The following PSD3 variants were observed in gnomAD, a reference collection of about 807,000 sequenced individuals.
The protein encoded by PSD3 is pleckstrin and Sec7 domain containing 3, also known as PH and SEC7 domain-containing protein 3.
A neutral mutation model predicts 105.5 loss-of-function variants in PSD3; 49 were observed. The ratio of observed to expected loss-of-function variants is 0.46; its 90% confidence interval spans 0.37 to 0.59. The LOEUF (loss-of-function observed/expected upper bound fraction) is 0.59, where lower values mean the gene tolerates loss of function less well. Among genes scored for constraint, PSD3 ranks in the 20% least tolerant of loss-of-function variants. PSD3 has a pLI of 0.00. For missense variants in PSD3, 1,561 were observed against 1,263.8 expected (o/e 1.24, Z -3.57); for synonymous variants, 557 against 457.8 (o/e 1.22, Z -2.77).
intron 9 of PSD3, among the ~76,000 whole-genome samples, chr8:18,727,411 A>G (rs1362975161): frequency 2.0e-5 from 3 of 150,330 alleles, no homozygotes; most frequent in African/African-American, 7.3e-5. Context: ...TGGGAAGCTG[A>G]GGCAGGGAGA....
chr8:18,698,159 T>C (rs541533323), intron 9 of PSD3, among the ~76,000 whole-genome samples: 11 of 152,286 alleles, frequency 7.2e-5, no homozygotes, highest in African/African-American at 2.4e-4. Context: ...AGTGCAGTGG[T>C]GCGATCATAG....
At chr8:18,811,549 G>C (rs1024073678) in intron 4 of PSD3, among the ~76,000 whole-genome samples, 1 of 152,172 alleles carries the variant, frequency 6.6e-6, no homozygotes, top group Non-Finnish European at 1.5e-5. Context: ...AAAGATAGAA[G>C]AGGAACCCTA....
At chr8:19,032,877 T>C (rs1827817214) in intron 1 of PSD3, among the ~76,000 whole-genome samples, 1 of 152,264 alleles carries the variant, frequency 6.6e-6, no homozygotes, top group South Asian at 2.1e-4. Context: ...CTTCTGAAAG[T>C]ATTAAGAAGG....
intron 14 of PSD3, among the ~76,000 whole-genome samples, chr8:18,560,175 T>TACACACACACAC (rs5889808): frequency 0.016 from 2,268 of 143,378 alleles, 28 homozygotes; most frequent in African/African-American, 0.037. Context: ...ATACACATTT[T>TACACACACACAC]ACACACACAC....
intron 1 of PSD3, among the ~76,000 whole-genome samples, chr8:18,974,443 C>T (rs1824818590): frequency 6.6e-6 from 1 of 152,142 alleles, no homozygotes; most frequent in East Asian, 1.9e-4. Flanking sequence ...AGAATGCAGA[C>T]ACTGCCTTTA....
chr8:18,613,236 C>G (rs35318164), intron 11 of PSD3, among the ~76,000 whole-genome samples: 5 of 151,920 alleles, frequency 3.3e-5, no homozygotes, highest in African/African-American at 9.7e-5. Context: ...ACCAGACTGC[C>G]GGTCCGGATG....
intron 1 of PSD3, among the ~76,000 whole-genome samples, chr8:19,033,967 A>G (rs1827858878): frequency 6.6e-6 from 1 of 152,218 alleles, no homozygotes; most frequent in African/African-American, 2.4e-5. Flanking sequence ...CAAGGTAAAG[A>G]TAAATAAATA....
At chr8:18,711,357 A>G (rs1417044201) in intron 9 of PSD3, among the ~76,000 whole-genome samples, 3 of 152,206 alleles carry the variant, frequency 2.0e-5, no homozygotes, top group Admixed American at 2.0e-4. Flanking sequence ...CTGGAGAAAG[A>G]GTCAAAACCC....
At chr8:18,854,207 T>C (rs1387023680) in intron 4 of PSD3, 2 of 152,746 alleles carry the variant, frequency 1.3e-5, no homozygotes, top group Non-Finnish European at 2.9e-5. Flanking sequence ...TTAATGTACT[T>C]CTAAAGCTGC....
chr8:18,976,565 A>T (rs1824952204), intron 1 of PSD3, among the ~76,000 whole-genome samples: 1 of 152,244 alleles, frequency 6.6e-6, no homozygotes, highest in Admixed American at 6.5e-5. Context: ...TTCACTTACT[A>T]CATGACACAA....
At chr8:19,053,050 T>G (rs1208344448) in intron 1 of PSD3, among the ~76,000 whole-genome samples, 1 of 152,080 alleles carries the variant, frequency 6.6e-6, no homozygotes, top group East Asian at 1.9e-4. Context: ...TTAGGGAAAT[T>G]CCCTAGGAGG....
chr8:18,750,320 T>G (rs569649256), intron 9 of PSD3, among the ~76,000 whole-genome samples: 1 of 152,090 alleles, frequency 6.6e-6, no homozygotes, highest in African/African-American at 2.4e-5. Flanking sequence ...GTTTCTTCCT[T>G]CTGGTGGGTT....
chr8:18,702,440 G>C (rs970730441), intron 9 of PSD3, among the ~76,000 whole-genome samples: 1 of 152,036 alleles, frequency 6.6e-6, no homozygotes, highest in African/African-American at 2.4e-5. Context: ...TTTTTGTATT[G>C]TGAATCATAG....
At chr8:18,838,220 C>T (rs1190323619) in intron 4 of PSD3, among the ~76,000 whole-genome samples, 2 of 152,128 alleles carry the variant, frequency 1.3e-5, no homozygotes, top group Non-Finnish European at 2.9e-5. Context: ...ATGACAGTAG[C>T]GCTTCAGTTC....
chr8:18,838,929 T>C (rs1476304595), intron 4 of PSD3, among the ~76,000 whole-genome samples: 1 of 151,926 alleles, frequency 6.6e-6, no homozygotes, highest in African/African-American at 2.4e-5. Context: ...TAGGTCTTAT[T>C]TGTTTCTCAA....
At chr8:19,079,659 A>G (rs1829578338) in intron 1 of PSD3, among the ~76,000 whole-genome samples, 1 of 152,184 alleles carries the variant, frequency 6.6e-6, no homozygotes, top group African/African-American at 2.4e-5. Context: ...TTATTTAACT[A>G]GAACCATTAC....
At chr8:19,082,701 G>C (rs1829680787) in intron 1 of PSD3, among the ~76,000 whole-genome samples, 1 of 152,212 alleles carries the variant, frequency 6.6e-6, no homozygotes, top group Non-Finnish European at 1.5e-5. Context: ...GGAGGGGAGA[G>C]TGGGAAAAGA....
At chr8:18,833,990 G>T (rs779134764) in intron 4 of PSD3, among the ~76,000 whole-genome samples, 1 of 151,986 alleles carries the variant, frequency 6.6e-6, no homozygotes, top group Admixed American at 6.6e-5. Context: ...AATTTATGAA[G>T]TAGCTAGGAA....
intron 11 of PSD3, among the ~76,000 whole-genome samples, chr8:18,630,398 C>G (rs1021188184): frequency 1.3e-5 from 2 of 151,860 alleles, no homozygotes; most frequent in East Asian, 3.9e-4. Flanking sequence ...GAGCTTCTAC[C>G]CGGAGAATCC....
Sources: allele counts gnomAD v4.1 joint callset (sites outside exome capture counted in the v4.1 genomes callset), GRCh38; gene constraint gnomAD v4.1.1; transcripts MANE v1.5; gene names NCBI Gene and HGNC (gene_info 2026-07-23, HGNC 2026-07-21).